OR2L13: variants seen among roughly 807,000 people sequenced by gnomAD.
OR2L13 encodes olfactory receptor 2L13.
In OR2L13, 14 loss-of-function variants were observed where a neutral mutation model predicts 15.3. The ratio of observed to expected loss-of-function variants is 0.91; its 90% CI spans 0.60 to 1.43. OR2L13 has a LOEUF of 1.43. OR2L13 is among the 40% of genes most tolerant of loss of function. The pLI is 0.00. For missense variants in OR2L13, 367 were observed against 387.9 expected (o/e 0.95, Z 0.45); for synonymous variants, 152 against 142.9 (o/e 1.06, Z -0.45).
chr1:247,987,355 CT>C, the OR2L13 span, among the ~76,000 whole-genome samples: 22 of 152,040 alleles, frequency 1.4e-4, no homozygotes, highest in African/African-American at 3.6e-4. Context: ...ATTAAGATAA[CT>C]TTTTTTCTTC....
the OR2L13 span, among the ~76,000 whole-genome samples, chr1:247,943,554 T>G: frequency 6.6e-6 from 1 of 152,160 alleles, no homozygotes. Context: ...TTACAATAAT[T>G]TGATGTTTTT....
the OR2L13 span, chr1:247,975,293 C>T: frequency 2.0e-5 from 9 of 461,386 alleles, no homozygotes; most frequent in Admixed American, 2.5e-4. Flanking sequence ...TTCGTGGACA[C>T]CTGGGTCTAT....
chr1:248,033,973 A>G, the OR2L13 span, among the ~76,000 whole-genome samples: 4 of 152,204 alleles, frequency 2.6e-5, no homozygotes, highest in African/African-American at 9.6e-5. Context: ...TTGTTTACCT[A>G]GAAAACTCTA....
chr1:247,995,620 A>G, the OR2L13 span, among the ~76,000 whole-genome samples: 2 of 152,234 alleles, frequency 1.3e-5, no homozygotes, highest in African/African-American at 4.8e-5. Flanking sequence ...TTAATGAAAC[A>G]TATTTTACTA....
chr1:247,985,323 T>C, the OR2L13 span, among the ~76,000 whole-genome samples: 233 of 151,612 alleles, frequency 1.5e-3, no homozygotes, highest in African/African-American at 5.3e-3. Flanking sequence ...TGTGTTCTCA[T>C]TGTTCAATTC....
chr1:247,990,898 AT>A, the OR2L13 span: 1 of 1,483,816 alleles, frequency 6.7e-7, no homozygotes. Context: ...GTTTCCCTTC[AT>A]TTGTATTGCA....
the OR2L13 span, among the ~76,000 whole-genome samples, chr1:248,008,041 A>G: frequency 6.6e-6 from 1 of 152,156 alleles, no homozygotes; most frequent in Non-Finnish European, 1.5e-5. Flanking sequence ...AAGGTTACCT[A>G]AGCTGTCTTT....
chr1:247,997,969 T>G, the OR2L13 span, among the ~76,000 whole-genome samples: 1 of 152,210 alleles, frequency 6.6e-6, no homozygotes. Context: ...TATACATTTC[T>G]TTAAAAAATA....
At chr1:248,038,557 G>A in the OR2L13 span, 1 of 1,614,106 alleles carries the variant, frequency 6.2e-7, no homozygotes, top group South Asian at 1.1e-5. Flanking sequence ...ACTGGATGTG[G>A]GATTCAGAGT....
the OR2L13 span, among the ~76,000 whole-genome samples, chr1:248,079,743 T>A: frequency 6.6e-6 from 1 of 152,192 alleles, no homozygotes; most frequent in Non-Finnish European, 1.5e-5. Context: ...TCCTACAACA[T>A]ATATGCAAAA....
At chr1:247,950,932 A>G in the OR2L13 span, among the ~76,000 whole-genome samples, 1 of 152,228 alleles carries the variant, frequency 6.6e-6, no homozygotes, top group Non-Finnish European at 1.5e-5. Flanking sequence ...AATGTTCCCA[A>G]CAGAGAGAAA....
the OR2L13 span, among the ~76,000 whole-genome samples, chr1:247,945,221 G>A: frequency 6.6e-6 from 1 of 152,150 alleles, no homozygotes; most frequent in East Asian, 1.9e-4. Context: ...TGTTTTCATT[G>A]ATTTCAAAGA....
the OR2L13 span, among the ~76,000 whole-genome samples, chr1:248,012,924 A>G: frequency 6.6e-6 from 1 of 151,866 alleles, no homozygotes. Flanking sequence ...GAAAAATTTG[A>G]GTACCTTTAA....
At chr1:248,092,730 C>A (rs1368376091), upstream of OR2L13, among the ~76,000 whole-genome samples, 6 of 152,126 alleles carry the variant, frequency 3.9e-5, no homozygotes, top group Admixed American at 2.0e-4. Flanking sequence ...ATGGAGACAC[C>A]ATCACAGAGT....
chr1:248,061,775 A>G, the OR2L13 span: 2 of 599,112 alleles, frequency 3.3e-6, no homozygotes, highest in African/African-American at 1.8e-5. Context: ...TGTTTTACAT[A>G]TATATGTATA....
At chr1:248,035,525 A>T in the OR2L13 span, 1 of 152,150 alleles carries the variant, frequency 6.6e-6, no homozygotes, top group South Asian at 2.1e-4. Context: ...CATAATTTTT[A>T]CATCACTTTA....
the OR2L13 span, among the ~76,000 whole-genome samples, chr1:248,001,660 A>C: frequency 3.9e-4 from 59 of 152,024 alleles, no homozygotes; most frequent in Non-Finnish European, 7.1e-4. Flanking sequence ...ATTGAAACAG[A>C]AACATCATGG....
chr1:247,984,247 T>C, the OR2L13 span, among the ~76,000 whole-genome samples: 1 of 151,040 alleles, frequency 6.6e-6, no homozygotes, highest in African/African-American at 2.4e-5. Flanking sequence ...TTATTATTAT[T>C]ATTATTATTT....
chr1:248,067,378 C>T, the OR2L13 span, among the ~76,000 whole-genome samples: 2 of 152,252 alleles, frequency 1.3e-5, no homozygotes, highest in Non-Finnish European at 2.9e-5. Flanking sequence ...TTAATTGTTC[C>T]TAGATAGTTG....
Sources: allele counts gnomAD v4.1 joint callset (sites outside exome capture counted in the v4.1 genomes callset), GRCh38; gene constraint gnomAD v4.1.1; transcripts MANE v1.5; gene names NCBI Gene and HGNC (gene_info 2026-07-23, HGNC 2026-07-21).